Variants in NTM observed in about 807,000 individuals in gnomAD.
NTM encodes the protein IgLON family member 2.
Under a neutral mutation model 42.1 loss-of-function variants are expected in NTM, and 13 were observed. That is an observed-to-expected ratio of 0.31 (90% confidence interval 0.20 to 0.49). NTM has a LOEUF of 0.49. NTM is among the 20% of genes least tolerant of loss of function. The pLI is 0.99. For synonymous variants in NTM, 187 were observed against 179.2 expected (o/e 1.04, Z -0.35); for missense variants, 373 against 452.8 (o/e 0.82, Z 1.60).
chr11:131,850,932 A>G lies in NTM; in HGVS notation c.83-60632A>G, dbSNP rs557078077. 7.2e-5 allele frequency among the ~76,000 whole-genome samples: 11 copies of G among 152,282 alleles called. No individual in the cohort carries two copies. The South Asian group carries it at 1.0e-3, about 14-fold the overall frequency. The stretch of plus-strand genomic sequence containing the variant: ...ATCTATGGAGCTGAGCTGTGTGTAC[A>G]GAGATGTCCTGTTTTCCCACCTATC... On this transcript the variant is annotated intron_variant, in intron 1 of 8. Transcript: ENST00000683400.
intron 1 of NTM, among the ~76,000 whole-genome samples, chr11:131,591,838 T>C (rs2059392820): frequency 6.6e-6 from 1 of 152,228 alleles, no homozygotes; most frequent in Admixed American, 6.5e-5. Flanking sequence ...CACTTCCCTG[T>C]GTCTAACCTG....
chr11:132,275,455 A>C (rs1212801099), intron 4 of NTM, among the ~76,000 whole-genome samples: 1 of 151,930 alleles, frequency 6.6e-6, no homozygotes, highest in Non-Finnish European at 1.5e-5. Flanking sequence ...GTAAGGACTT[A>C]ATGAGATAGT....
chr11:132,019,442 A>AT (rs199945703), intron 2 of NTM, among the ~76,000 whole-genome samples: 2,622 of 151,478 alleles, frequency 0.017, 37 homozygotes, highest in Non-Finnish European at 0.027. Flanking sequence ...TGACTAGTCT[A>AT]TTTTTTCTTT....
chr11:131,595,846 C>T (rs2059768543), intron 1 of NTM, among the ~76,000 whole-genome samples: 1 of 152,338 alleles, frequency 6.6e-6, no homozygotes, highest in East Asian at 1.9e-4. Context: ...GATTCAGGGA[C>T]AGCTAGACAG....
intron 3 of NTM, among the ~76,000 whole-genome samples, chr11:132,189,397 C>T (rs61045674): frequency 2.2e-3 from 331 of 152,248 alleles, no homozygotes; most frequent in African/African-American, 7.8e-3. Flanking sequence ...GGAGCACAGA[C>T]CTATTTTTAA....
chr11:132,179,514 G>A (rs554124586), intron 3 of NTM, among the ~76,000 whole-genome samples: 3 of 152,232 alleles, frequency 2.0e-5, no homozygotes, highest in South Asian at 4.1e-4. Context: ...GGGGCAGTCC[G>A]GAAGGGCCTT....
intron 2 of NTM, among the ~76,000 whole-genome samples, chr11:132,086,323 C>CAA (rs71067358): frequency 0.06 from 5,963 of 98,764 alleles, 383 homozygotes; most frequent in African/African-American, 0.13. Flanking sequence ...GACTCCATGT[C>CAA]AAAAAAAAAA....
intron 3 of NTM, among the ~76,000 whole-genome samples, chr11:132,201,823 A>G (rs1018539081): frequency 2.6e-5 from 4 of 152,178 alleles, no homozygotes; most frequent in Admixed American, 2.0e-4. Context: ...TTGGATCCCA[A>G]ATCCCTGTAG....
chr11:132,000,745 T>G (rs555146316), intron 2 of NTM, among the ~76,000 whole-genome samples: 1 of 152,232 alleles, frequency 6.6e-6, no homozygotes, highest in South Asian at 2.1e-4. Flanking sequence ...CCAGGGGACA[T>G]GGAGATAAAT....
chr11:131,735,053 C>T (rs1476791794), intron 1 of NTM, among the ~76,000 whole-genome samples: 1 of 152,194 alleles, frequency 6.6e-6, no homozygotes, highest in Non-Finnish European at 1.5e-5. Flanking sequence ...GACTCAATGG[C>T]CTTTTTGCCA....
At chr11:131,829,833 C>T (rs571473452) in intron 1 of NTM, among the ~76,000 whole-genome samples, 3 of 152,028 alleles carry the variant, frequency 2.0e-5, no homozygotes, top group East Asian at 1.9e-4. Context: ...TGCAGCCTTG[C>T]GAGCATCAGT....
chr11:131,741,588 T>C (rs1022035599), intron 1 of NTM, among the ~76,000 whole-genome samples: 3 of 152,202 alleles, frequency 2.0e-5, no homozygotes, highest in Non-Finnish European at 4.4e-5. Flanking sequence ...TACTTCCATA[T>C]TAGAAGCAAT....
chr11:131,374,592 T>C (rs1941714720), intron 1 of NTM, among the ~76,000 whole-genome samples: 2 of 152,158 alleles, frequency 1.3e-5, no homozygotes, highest in South Asian at 4.1e-4. Context: ...TTCAGGTGTG[T>C]CTCTTGGTTC....
At chr11:131,911,363 C>G in intron 1 of NTM, 1 of 1,537,158 alleles carries the variant, frequency 6.5e-7, no homozygotes, top group Non-Finnish European at 8.8e-7. Context: ...GCCTCCCGGT[C>G]GCCGCGGGTT....
At chr11:132,186,487 A>C (rs1375187320) in intron 3 of NTM, among the ~76,000 whole-genome samples, 1 of 152,210 alleles carries the variant, frequency 6.6e-6, no homozygotes, top group African/African-American at 2.4e-5. Context: ...CCTGCAGGCC[A>C]CTTGAAATTC....
intron 4 of NTM, among the ~76,000 whole-genome samples, chr11:132,254,433 C>T (rs183366708): frequency 8.9e-4 from 136 of 152,018 alleles, no homozygotes; most frequent in African/African-American, 3.2e-3. Flanking sequence ...CTTTTCCCCA[C>T]GTCTCTGTAC....
intron 3 of NTM, among the ~76,000 whole-genome samples, chr11:132,188,066 T>C (rs2078708844): frequency 6.6e-6 from 1 of 152,152 alleles, no homozygotes; most frequent in African/African-American, 2.4e-5. Context: ...TGGCAATGAC[T>C]TGAGACATCC....
chr11:132,131,702 G>T (rs1232191824), intron 2 of NTM, among the ~76,000 whole-genome samples: 1 of 152,164 alleles, frequency 6.6e-6, no homozygotes, highest in African/African-American at 2.4e-5. Context: ...CATCCTGAAG[G>T]CAGTGGGAAC....
intron 2 of NTM, among the ~76,000 whole-genome samples, chr11:132,013,327 G>A (rs2072654089): frequency 6.6e-6 from 1 of 152,138 alleles, no homozygotes; most frequent in Non-Finnish European, 1.5e-5. Flanking sequence ...CTGAAAAGAA[G>A]CCGTTAAATG....
Sources: gnomAD v4.1 joint callset for allele counts (sites outside exome capture counted in the v4.1 genomes callset) on GRCh38, gnomAD v4.1.1 for gene constraint, MANE v1.5 for transcripts, NCBI Gene and HGNC (gene_info 2026-07-23, HGNC 2026-07-21) for gene names.